Variants in VPS53 observed in about 807,000 individuals in gnomAD.
VPS53 encodes VPS53 subunit of GARP complex.
Under a neutral mutation model 107.0 loss-of-function variants are expected in VPS53, and 70 were observed. The ratio of observed to expected loss-of-function variants is 0.65; its 90% CI spans 0.54 to 0.80. The LOEUF is 0.80. Ranked by LOEUF, VPS53 falls within the 30% of genes least tolerant of loss-of-function variation. VPS53 has a pLI of 0.00. For synonymous variants in VPS53, 409 were observed against 393.3 expected (o/e 1.04, Z -0.47); for missense variants, 917 against 1,049.4 (o/e 0.87, Z 1.74).
At chr17:569,068 A>G (rs1484064888) in intron 13 of VPS53, among the ~76,000 whole-genome samples, 1 of 152,208 alleles carries the variant, frequency 6.6e-6, no homozygotes, top group African/African-American at 2.4e-5. Context: ...GCCTGGGGAA[A>G]TGGACGACTC....
intron 11 of VPS53, among the ~76,000 whole-genome samples, chr17:614,413 A>G (rs1425261751): frequency 6.6e-6 from 1 of 152,180 alleles, no homozygotes; most frequent in Non-Finnish European, 1.5e-5. Context: ...CTGCTTCTCT[A>G]TTCTCGCCAT....
intron 13 of VPS53, among the ~76,000 whole-genome samples, chr17:578,528 T>C (rs1223210243): frequency 6.6e-6 from 1 of 151,032 alleles, no homozygotes; most frequent in African/African-American, 2.4e-5. Context: ...CCTAATGCGT[T>C]CCCAGAGATC....
rs1289999913 is a variant in VPS53, at chr17:519,174, G to C, written c.2453C>G (p.Ser818Trp). Residue 818 changes from serine to tryptophan, a missense_variant, in exon 22 of 22, where the codon TCG (serine) becomes TGG (tryptophan). Transcript: ENST00000437048. The surrounding 1 kb of genome is among the most constrained non-coding windows in gnomAD (Gnocchi z 5.0). ...TTTCTCGAGCTTGCGGATGCGTGAC[G>C]ACTCTTGCTCTGGTGTTGGCGCCGT... ...SLTAPTPEQE[S>W]SRIRKLEKLI... 1 of 1,546,556 alleles carries C rather than the reference G, an allele frequency of 6.5e-7. No homozygotes were observed. Among genetic ancestry groups the C allele is most frequent in the South Asian group, 1.2e-5 (1 of 83,526 alleles).
rs775425660 is a variant in VPS53 at position 537,412 on chromosome 17, G to GC, written c.1867-237dup. 109 of 468,642 alleles carry GC rather than the reference G, an allele frequency of 2.3e-4. No individual in the cohort carries two copies. The Middle Eastern group carries it at 4.7e-3, about 20-fold the overall frequency. 29.0% of individuals were successfully genotyped at this position (468,642 alleles called of 1,614,324 possible). On this transcript the variant is annotated intron_variant, in intron 17 of 21. Transcript: ENST00000437048. Reference sequence around the variant, plus strand: ...GTGACCCAGACCCTTTCCTTTTCCTGCCTTGTCCCCGACCTGCCTGAAACA... The same window carrying GC: ...GTGACCCAGACCCTTTCCTTTTCCTGCCCTTGTCCCCGACCTGCCTGAAACA...
At chr17:638,883 C>T (rs1970310418) in intron 7 of VPS53, among the ~76,000 whole-genome samples, 1 of 152,114 alleles carries the variant, frequency 6.6e-6, no homozygotes, top group Admixed American at 6.6e-5. Context: ...GTGAGTCTGA[C>T]AGTTATGTGT....
intron 10 of VPS53, 73 bp from the exon 11 acceptor site, chr17:623,747 T>C: frequency 6.9e-7 from 1 of 1,455,720 alleles, no homozygotes; most frequent in Non-Finnish European, 9.2e-7. Context: ...GTAAATGGCC[T>C]TAGCTTATAT....
At chr17:579,130 A>G (rs1039418162) in intron 13 of VPS53, among the ~76,000 whole-genome samples, 3 of 150,478 alleles carry the variant, frequency 2.0e-5, no homozygotes, top group African/African-American at 7.4e-5. Context: ...CATCCCTCAG[A>G]ACCTAATGCG....
At chr17:665,837 C>T (rs1157144702) in intron 4 of VPS53, among the ~76,000 whole-genome samples, 3 of 152,060 alleles carry the variant, frequency 2.0e-5, no homozygotes, top group Non-Finnish European at 4.4e-5. Flanking sequence ...AACCCCGTCT[C>T]TACTAAAAAT....
At chr17:624,726 T>G (rs1463657282) in intron 10 of VPS53, among the ~76,000 whole-genome samples, 3 of 152,146 alleles carry the variant, frequency 2.0e-5, no homozygotes. Flanking sequence ...CATTTCTCAC[T>G]GAGCTGGTTT....
intron 2 of VPS53, among the ~76,000 whole-genome samples, chr17:709,586 A>G (rs993765951): frequency 1.3e-5 from 2 of 152,150 alleles, no homozygotes; most frequent in African/African-American, 4.8e-5. Flanking sequence ...TTGATCCTGC[A>G]CACCTCAAGG....
At chr17:659,571 G>C (rs575746935) in intron 5 of VPS53, among the ~76,000 whole-genome samples, 1 of 152,166 alleles carries the variant, frequency 6.6e-6, no homozygotes, top group African/African-American at 2.4e-5. Context: ...ATGAGCCACC[G>C]TGCCCGGCTG....
chr17:671,706 CTT>C (rs113856697), intron 4 of VPS53, among the ~76,000 whole-genome samples: 13 of 138,576 alleles, frequency 9.4e-5, no homozygotes, highest in Non-Finnish European at 1.1e-4. Context: ...TTTCCCATGA[CTT>C]TTTTTTTTTT....
At chr17:570,400 A>G in intron 13 of VPS53, among the ~76,000 whole-genome samples, 1 of 149,952 alleles carries the variant, frequency 6.7e-6, no homozygotes, top group South Asian at 2.1e-4. Flanking sequence ...AAAAAAGAAC[A>G]TCACATCACA....
At chr17:662,873 CGAAGGAAG>C (rs1314091969) in intron 4 of VPS53, among the ~76,000 whole-genome samples, 1 of 98,116 alleles carries the variant, frequency 1.0e-5, no homozygotes, top group South Asian at 3.7e-4. Flanking sequence ...AAGGAAGGAA[CGAAGGAAG>C]GAAGGAAGGA....
intron 1 of VPS53, among the ~76,000 whole-genome samples, chr17:710,858 T>C (rs1210340651): frequency 2.0e-5 from 3 of 151,824 alleles, no homozygotes; most frequent in African/African-American, 7.3e-5. Flanking sequence ...GGCAGGAGAA[T>C]TGCTTGAACC....
rs747896346 is a variant in VPS53 at position 623,529 on chromosome 17, T to C, written c.1116+4A>G. ...ACGTGGCAGCTCCCTAGGGAAGGTC[T>C]TACCAGGGTCCCATCGGTCAGGGTG... On this transcript the variant is annotated splice_donor_region_variant and intron_variant, in intron 11 of 21. Transcript: ENST00000437048. The C allele has an allele frequency of 5.0e-6, 8 of 1,611,042 alleles. No individual in the cohort carries two copies. The highest frequency in any genetic ancestry group is 6.8e-6 in the Non-Finnish European group (8 of 1,177,816).
intron 3 of VPS53, among the ~76,000 whole-genome samples, chr17:697,864 C>CT (rs1176180158): frequency 6.6e-6 from 1 of 152,180 alleles, no homozygotes; most frequent in Admixed American, 6.5e-5. Context: ...TCTCGGTCCC[C>CT]TTATGAGGCG....
Position 524,168 on chromosome 17 carries a change from G to A in VPS53, c.2086-2430C>T, listed in dbSNP as rs961107804. Among the ~76,000 whole-genome samples, 3 of 151,994 alleles carry A rather than the reference G, an allele frequency of 2.0e-5. No homozygotes were observed. The highest frequency in any genetic ancestry group is 3.9e-4 in the East Asian group (2 of 5,178). Reference sequence around the variant, plus strand: ...ACAAAAATTAGCCGGGTGTGGTGGCGCATGCCTGTAATCCCAGCTACTCGG... The same window carrying A: ...ACAAAAATTAGCCGGGTGTGGTGGCACATGCCTGTAATCCCAGCTACTCGG... On this transcript the variant is annotated intron_variant, in intron 19 of 21. Coordinates refer to ENST00000437048, the MANE Select transcript of VPS53 (RefSeq NM_001128159.3). This position sits in a 1 kb window ranked among gnomAD's most constrained non-coding sequence, Gnocchi z 4.5.
chr17:642,386 C>T (rs1022345975), intron 7 of VPS53, among the ~76,000 whole-genome samples: 2 of 150,946 alleles, frequency 1.3e-5, no homozygotes, highest in African/African-American at 4.9e-5. Context: ...GCGAGGAAAA[C>T]ACTCATACTC....
Sources: allele counts gnomAD v4.1 joint callset (sites outside exome capture counted in the v4.1 genomes callset), GRCh38; gene constraint gnomAD v4.1.1; non-coding constraint Gnocchi (gnomAD v3.1); transcripts MANE v1.5; gene names NCBI Gene and HGNC (gene_info 2026-07-23, HGNC 2026-07-21).